ANKFN1: variants seen among roughly 807,000 people sequenced by gnomAD.
The protein encoded by ANKFN1 is ankyrin repeat and fibronectin type-III domain-containing protein 1.
A neutral mutation model predicts 108.7 loss-of-function variants in ANKFN1; 74 were observed. That is an observed-to-expected ratio of 0.68 (90% CI 0.56 to 0.83). The LOEUF (loss-of-function observed/expected upper bound fraction) is 0.83, where lower values mean the gene tolerates loss of function less well. Among genes scored for constraint, ANKFN1 ranks in the 40% least tolerant of loss-of-function variants. ANKFN1 has a pLI of 0.00. For synonymous variants in ANKFN1, 547 were observed against 516.2 expected, an observed-to-expected ratio of 1.06 and a Z score of -0.81; for missense variants, 1,505 against 1,382.3, an observed-to-expected ratio of 1.09 and a Z score of -1.41.
Position 56,272,646 on chromosome 17 carries a change from A to G in ANKFN1, c.53+44689A>G, listed in dbSNP as rs142195838. ...AATGTTGCTATGAAGATGGGTTGCT[A>G]TGAGACCATGCTTTCAATTCTTTTG... On this transcript the variant is annotated intron_variant, in intron 3 of 20. Coordinates refer to ENST00000682825, the MANE Select transcript of ANKFN1 (RefSeq NM_001370326.1). Among the ~76,000 whole-genome samples the G allele has an allele frequency of 9.0e-4, 137 of 152,312 alleles. 1 individual carries two copies. The highest frequency in any genetic ancestry group is 3.1e-3 in the African/African-American group (128 of 41,568).
At chr17:56,051,893 C>T (rs1309124783) in intron 4 of ANKFN1, among the ~76,000 whole-genome samples, 3 of 150,612 alleles carry the variant, frequency 2.0e-5, no homozygotes, top group Non-Finnish European at 1.5e-5. Flanking sequence ...AGGAGAACTA[C>T]AAACCACTGC....
chr17:56,194,720 A>G (rs929445733), intron 1 of ANKFN1, among the ~76,000 whole-genome samples: 2 of 152,288 alleles, frequency 1.3e-5, no homozygotes, highest in South Asian at 4.1e-4. Flanking sequence ...CTGAGAGTTA[A>G]CCCTAATGTA....
At chr17:56,333,659 C>A (rs373244237) in intron 4 of ANKFN1, among the ~76,000 whole-genome samples, 6 of 151,504 alleles carry the variant, frequency 4.0e-5, no homozygotes, top group African/African-American at 1.5e-4. Flanking sequence ...TTGCCTTTTT[C>A]CTGGTTTTAG....
chr17:56,362,340 C>T (rs1567944341), intron 6 of ANKFN1, among the ~76,000 whole-genome samples: 1 of 152,288 alleles, frequency 6.6e-6, no homozygotes, highest in East Asian at 1.9e-4. Context: ...TCTAAAACTA[C>T]ACTGTCCAAC....
chr17:56,316,661 A>C (rs1172862489), intron 3 of ANKFN1, among the ~76,000 whole-genome samples: 1 of 152,146 alleles, frequency 6.6e-6, no homozygotes, highest in African/African-American at 2.4e-5. Flanking sequence ...AAAACAAAAA[A>C]ATCTCATTTT....
chr17:56,212,119 G>C (rs990306051), intron 1 of ANKFN1, among the ~76,000 whole-genome samples: 1 of 151,756 alleles, frequency 6.6e-6, no homozygotes, highest in Non-Finnish European at 1.5e-5. Flanking sequence ...TCTTGTTCCA[G>C]TTCTCGGGGG....
At chr17:56,227,891 A>G in intron 2 of ANKFN1, 26 bp from the exon 3 acceptor site, 2 of 1,592,286 alleles carry the variant, frequency 1.3e-6, no homozygotes, top group Non-Finnish European at 1.7e-6. Flanking sequence ...ATTTTTTAAC[A>G]TTCTTTTTTT....
chr17:56,461,946 G>A (rs903883791), intron 14 of ANKFN1, among the ~76,000 whole-genome samples: 7 of 152,124 alleles, frequency 4.6e-5, no homozygotes, highest in Non-Finnish European at 7.4e-5. Context: ...ATAGCTCTCC[G>A]GTCCTGCACC....
chr17:56,436,040 C>T (rs2048920284), intron 8 of ANKFN1, among the ~76,000 whole-genome samples: 1 of 152,120 alleles, frequency 6.6e-6, no homozygotes, highest in South Asian at 2.1e-4. Context: ...GGTGGCAGGG[C>T]CAGGCTTCAG....
intron 20 of ANKFN1, among the ~76,000 whole-genome samples, chr17:56,509,280 G>C (rs1013980510): frequency 3.3e-5 from 5 of 152,162 alleles, no homozygotes; most frequent in Non-Finnish European, 7.3e-5. Context: ...AGCTCAAAAG[G>C]AGACAATTCA....
intron 4 of ANKFN1, among the ~76,000 whole-genome samples, chr17:56,063,437 GTTCATTCCTT>G (rs764987330): frequency 4.8e-4 from 73 of 151,406 alleles, no homozygotes; most frequent in Non-Finnish European, 8.3e-4. Flanking sequence ...TGGTGGCTTT[GTTCATTCCTT>G]TTCATTCCTT....
chr17:56,152,080 A>G (rs1312500680), upstream of ANKFN1, among the ~76,000 whole-genome samples: 1 of 152,160 alleles, frequency 6.6e-6, no homozygotes, highest in African/African-American at 2.4e-5. Flanking sequence ...TTATGTACAC[A>G]TGCAGCAACA....
At chr17:56,497,423 C>T (rs1598725126) in intron 19 of ANKFN1, among the ~76,000 whole-genome samples, 1 of 152,104 alleles carries the variant, frequency 6.6e-6, no homozygotes, top group Non-Finnish European at 1.5e-5. Context: ...CAGGGGAAAA[C>T]GGCTGTAAGA....
chr17:56,483,336 A>G (rs1035339392), intron 18 of ANKFN1, among the ~76,000 whole-genome samples: 2 of 152,176 alleles, frequency 1.3e-5, no homozygotes, highest in Admixed American at 1.3e-4. Context: ...TACAATTTGC[A>G]GGAGGGTGAG....
chr17:56,296,963 G>A (rs2044530836), intron 3 of ANKFN1, among the ~76,000 whole-genome samples: 1 of 152,144 alleles, frequency 6.6e-6, no homozygotes, highest in Non-Finnish European at 1.5e-5. Context: ...TATTTTACTG[G>A]GTTCACCCAT....
At chr17:56,138,198 C>A (rs1907703023) in intron 4 of ANKFN1, among the ~76,000 whole-genome samples, 1 of 151,982 alleles carries the variant, frequency 6.6e-6, no homozygotes, top group African/African-American at 2.4e-5. Context: ...GAAAATAATC[C>A]CACTGAAGAT....
intron 4 of ANKFN1, among the ~76,000 whole-genome samples, chr17:56,051,855 C>A (rs377470376): frequency 2.0e-5 from 3 of 151,064 alleles, no homozygotes; most frequent in Non-Finnish European, 3.0e-5. Flanking sequence ...AGGAATCCAA[C>A]TTACAAGGGA....
chr17:56,474,988 T>C (rs2050450614), intron 15 of ANKFN1, among the ~76,000 whole-genome samples: 1 of 152,210 alleles, frequency 6.6e-6, no homozygotes, highest in Non-Finnish European at 1.5e-5. Flanking sequence ...ACATGCTCAT[T>C]AGATGTTTCT....
At chr17:56,303,118 C>T (rs2044720001) in intron 3 of ANKFN1, among the ~76,000 whole-genome samples, 1 of 152,170 alleles carries the variant, frequency 6.6e-6, no homozygotes, top group Non-Finnish European at 1.5e-5. Flanking sequence ...AAGTTGGATA[C>T]CAAATTTTCA....
Sources: gnomAD v4.1 joint callset for allele counts (sites outside exome capture counted in the v4.1 genomes callset) on GRCh38, gnomAD v4.1.1 for gene constraint, MANE v1.5 for transcripts, NCBI Gene and HGNC (gene_info 2026-07-23, HGNC 2026-07-21) for gene names.